The following KCNQ5 variants were observed in gnomAD, a reference collection of about 807,000 sequenced individuals.
KCNQ5 encodes the protein potassium voltage-gated channel subfamily KQT member 5.
In KCNQ5, 30 loss-of-function variants were observed where a neutral mutation model predicts 98.2. That is an observed-to-expected ratio of 0.31 (90% CI 0.23 to 0.41). KCNQ5 has a LOEUF of 0.41. KCNQ5 is among the 10% of genes least tolerant of loss of function. The pLI, the probability that KCNQ5 is intolerant of heterozygous loss-of-function variation, is 1.00. For synonymous variants in KCNQ5, 458 were observed against 449.4 expected (o/e 1.02, Z -0.24); for missense variants, 835 against 1,182.5 (o/e 0.71, Z 4.31).
rs779916062 is a variant in KCNQ5, at chr6:72,961,440, A to AC, written c.399-42464dup. On this transcript the variant is annotated intron_variant, in intron 1 of 13. Transcript: ENST00000370398. ...AGACCATCCTGGCTAACACGGTGAAACCCCGTCTCTACTAAAAAAATAGAA... is the reference window on the plus strand; with the variant it reads ...AGACCATCCTGGCTAACACGGTGAAACCCCCGTCTCTACTAAAAAAATAGAA... 7.8e-4 allele frequency among the ~76,000 whole-genome samples: 118 copies of AC among 151,670 alleles called. No homozygotes were observed. In the Middle Eastern group the frequency reaches 0.01, roughly 13 times the overall value.
rs1765840839 is a variant in KCNQ5, at chr6:73,197,622, CACACACACACACACACACA to C, written c.*2209_*2227del. On this transcript the variant is annotated 3_prime_UTR_variant, in exon 14 of 14. Transcript: ENST00000370398. ...ACACACACACACACACACACACACA[CACACACACACACACACACA>C]CCCCTCCACTGACCTAAAGCCAGAC... is the stretch of plus-strand genomic sequence containing the variant. The C allele has an allele frequency of 7.2e-6, 1 of 138,490 alleles. No homozygotes were observed. The highest frequency in any genetic ancestry group is 2.5e-5 in the African/African-American group (1 of 39,268). The allele number at this position is 138,490 out of a possible 1,614,324, so 8.6% of individuals were successfully genotyped here. A position where few individuals can be genotyped will look rare whatever the true frequency, so the allele number is the denominator to read the frequency against.
intron 1 of KCNQ5, among the ~76,000 whole-genome samples, chr6:72,724,194 T>C (rs1561943248): frequency 6.6e-6 from 1 of 152,162 alleles, no homozygotes; most frequent in East Asian, 1.9e-4. Context: ...GGAAATGTGA[T>C]ACAAAAATGC....
intron 1 of KCNQ5, among the ~76,000 whole-genome samples, chr6:72,961,485 G>A (rs1037972153): frequency 6.6e-6 from 1 of 152,092 alleles, no homozygotes; most frequent in Non-Finnish European, 1.5e-5. Flanking sequence ...AGCCGGGCGT[G>A]GTGGCGGGCG....
intron 7 of KCNQ5, among the ~76,000 whole-genome samples, chr6:73,117,341 A>G (rs1004148601): frequency 1.3e-5 from 2 of 152,164 alleles, no homozygotes; most frequent in Admixed American, 6.5e-5. Context: ...CTGTTAACTA[A>G]TATCAGCCAT....
chr6:72,911,006 C>A (rs1779922641), intron 1 of KCNQ5, among the ~76,000 whole-genome samples: 1 of 152,092 alleles, frequency 6.6e-6, no homozygotes, highest in Admixed American at 6.6e-5. Context: ...CAGATGAAGC[C>A]CAGGTCAGGC....
intron 1 of KCNQ5, chr6:72,630,449 C>T (rs1320801582): frequency 1.3e-5 from 2 of 152,138 alleles, no homozygotes; most frequent in African/African-American, 2.4e-5. Context: ...TTAACATTTG[C>T]TTAACAGCCA....
intron 1 of KCNQ5, among the ~76,000 whole-genome samples, chr6:72,950,367 C>G (rs1471839093): frequency 6.6e-6 from 1 of 152,220 alleles, no homozygotes; most frequent in Non-Finnish European, 1.5e-5. Flanking sequence ...AATCAAGGCA[C>G]AGTCTGAAGT....
At chr6:72,832,032 A>G (rs546362903) in intron 1 of KCNQ5, among the ~76,000 whole-genome samples, 1 of 152,190 alleles carries the variant, frequency 6.6e-6, no homozygotes, top group Non-Finnish European at 1.5e-5. Flanking sequence ...TGAAGGCAGT[A>G]TTAATTGCCT....
Position 72,769,039 on chromosome 6 carries a change from C to T in KCNQ5, c.398+146452C>T, listed in dbSNP as rs1454067161. Among the ~76,000 whole-genome samples the T allele has an allele frequency of 3.9e-5, 6 of 152,152 alleles. No individual in the cohort carries two copies. In the East Asian group the frequency reaches 5.8e-4, roughly 15 times the overall value. On this transcript the variant is annotated intron_variant, in intron 1 of 13. Coordinates refer to ENST00000370398, the MANE Select transcript of KCNQ5 (RefSeq NM_019842.4). Reference sequence around the variant, plus strand: ...AGTCTCCCAATCTTTGGCCCTAGCCCGGAAGTCCTCAAGTAGTACTCTCCT... The same window carrying T: ...AGTCTCCCAATCTTTGGCCCTAGCCTGGAAGTCCTCAAGTAGTACTCTCCT...
At chr6:73,116,240 G>A (rs77711752) in intron 7 of KCNQ5, among the ~76,000 whole-genome samples, 1 of 152,196 alleles carries the variant, frequency 6.6e-6, no homozygotes, top group Non-Finnish European at 1.5e-5. Flanking sequence ...ATATTAAAAT[G>A]TTGATAGGAT....
At chr6:73,186,257 C>A (rs1778568924) in intron 11 of KCNQ5, among the ~76,000 whole-genome samples, 1 of 151,912 alleles carries the variant, frequency 6.6e-6, no homozygotes, top group Non-Finnish European at 1.5e-5. Context: ...GAAAGACAGT[C>A]TATGCTTTTA....
At chr6:72,910,113 A>C (rs1316314257) in intron 1 of KCNQ5, among the ~76,000 whole-genome samples, 1 of 152,300 alleles carries the variant, frequency 6.6e-6, no homozygotes, top group South Asian at 2.1e-4. Flanking sequence ...TTACAAACAC[A>C]TTACTACCAC....
At chr6:73,162,314 G>A (rs1382450307) in intron 10 of KCNQ5, among the ~76,000 whole-genome samples, 2 of 152,120 alleles carry the variant, frequency 1.3e-5, no homozygotes, top group African/African-American at 4.8e-5. Flanking sequence ...GAAAGGCTTG[G>A]GGAAGATAAA....
chr6:72,730,816 AG>A (rs1770517628), intron 1 of KCNQ5, among the ~76,000 whole-genome samples: 1 of 147,238 alleles, frequency 6.8e-6, no homozygotes, highest in South Asian at 2.2e-4. Flanking sequence ...TATAAACTTT[AG>A]AATGAGTTTA....
At chr6:72,730,951 A>G (rs1389365695) in intron 1 of KCNQ5, among the ~76,000 whole-genome samples, 2 of 122,928 alleles carry the variant, frequency 1.6e-5, no homozygotes, top group East Asian at 5.6e-4. Context: ...ACGCATTTCT[A>G]TTTATGTATT....
intron 3 of KCNQ5, among the ~76,000 whole-genome samples, chr6:73,059,240 G>T (rs916788471): frequency 6.6e-6 from 1 of 152,110 alleles, no homozygotes; most frequent in Admixed American, 6.6e-5. Context: ...CCATAAAAAA[G>T]AACAAGATCA....
intron 10 of KCNQ5, among the ~76,000 whole-genome samples, chr6:73,154,877 G>A (rs964161685): frequency 2.6e-5 from 4 of 151,684 alleles, no homozygotes; most frequent in African/African-American, 7.3e-5. Flanking sequence ...ACCTAGTCAC[G>A]AATGATCACA....
chr6:72,856,153 G>A (rs1007259920), intron 1 of KCNQ5, among the ~76,000 whole-genome samples: 1 of 152,014 alleles, frequency 6.6e-6, no homozygotes, highest in Non-Finnish European at 1.5e-5. Context: ...CTTTCTTCAA[G>A]CATTCTGGAA....
chr6:72,718,808 G>A (rs1769798988), intron 1 of KCNQ5, among the ~76,000 whole-genome samples: 1 of 152,004 alleles, frequency 6.6e-6, no homozygotes, highest in African/African-American at 2.4e-5. Context: ...ACCTAGACAA[G>A]GAGAGACTAA....
Sources: gnomAD v4.1 joint callset for allele counts (sites outside exome capture counted in the v4.1 genomes callset) on GRCh38, gnomAD v4.1.1 for gene constraint, MANE v1.5 for transcripts, NCBI Gene and HGNC (gene_info 2026-07-23, HGNC 2026-07-21) for gene names.